Variants in PTPRN observed in about 807,000 individuals in gnomAD.
The protein encoded by PTPRN is protein tyrosine phosphatase receptor type N.
PTPRN carries 70 observed loss-of-function variants against 108.5 expected under a neutral mutation model. The ratio of observed to expected loss-of-function variants is 0.65; its 90% CI spans 0.53 to 0.79. The LOEUF is 0.79. PTPRN is among the 30% of genes least tolerant of loss of function. The probability of loss-of-function intolerance (pLI) is 0.00; values close to 1 mark genes in which losing one functional copy is unlikely to be tolerated. For synonymous variants in PTPRN, 496 were observed against 524.6 expected, an observed-to-expected ratio of 0.95 and a Z score of 0.75; for missense variants, 1,136 against 1,295.5, an observed-to-expected ratio of 0.88 and a Z score of 1.89.
rs1453563583 is a variant in PTPRN at position 219,290,707 on chromosome 2, A to G, written c.2795-96T>C. 3.4e-6 allele frequency: 5 copies of G among 1,483,784 alleles called. No individual in the cohort carries two copies. In the African/African-American group the frequency reaches 7.0e-5, roughly 21 times the overall value. The allele number at this position is 1,483,784 out of a possible 1,614,324, so 91.9% of individuals were successfully genotyped here. On this transcript the variant is annotated intron_variant, in intron 21 of 22. Transcript: ENST00000295718. The surrounding 1 kb of genome is among the most constrained non-coding windows in gnomAD (Gnocchi z 4.2). ...GCCTCCTGGAGGCAAAGAGCCTTGG[A>G]GGGCTGGGCAGAGCCTGGAGGTTGA...
At chr2:219,304,948 CT>C (rs1474765140) in intron 3 of PTPRN, among the ~76,000 whole-genome samples, 1 of 152,184 alleles carries the variant, frequency 6.6e-6, no homozygotes, top group African/African-American at 2.4e-5. Flanking sequence ...CAATTCCTTT[CT>C]TTCTATTCCC....
rs370543098 is a variant in PTPRN at position 219,290,570 on chromosome 2, G to A, written c.2836C>T (p.Arg946Cys). The change falls in exon 22 of 23, where the codon CGT becomes TGT. Residue 946 changes from arginine to cysteine, a missense_variant. Transcript: ENST00000295718. This position sits in a 1 kb window ranked among gnomAD's most constrained non-coding sequence, Gnocchi z 4.2. ...CGGACAAGGCCAGGCCGCTGGTCACGGACATGCTCCAGGGTGGCAGCGATG... is the reference window on the plus strand; with the variant it reads ...CGGACAAGGCCAGGCCGCTGGTCACAGACATGCTCCAGGGTGGCAGCGATG... ...IDIAATLEHV[R>C]DQRPGLVRSK... 13 of 1,551,680 alleles carry A rather than the reference G, an allele frequency of 8.4e-6. No homozygotes were observed. Among genetic ancestry groups the A allele is most frequent in the South Asian group, 1.2e-5 (1 of 84,078 alleles).
At position 219,294,997 on chromosome 2, in the gene PTPRN, G is replaced by C. The variant is rs201664619; in HGVS notation, c.2653C>G (p.Arg885Gly). ...WPAEGTPAST[R>G]PLLDFRRKVN... is the part of the protein sequence containing the mutation. ...CACCTGCGGAAGTCCAGCAGGGGCC[G>C]CGTGGAGGCCGGTGTGCCCTCTGCC... Residue 885 changes from arginine (R) to glycine (G), a missense_variant, in exon 19 of 23, where the codon CGG (arginine) becomes GGG (glycine). By Grantham distance (125) the Arg-to-Gly change is moderately radical. Coordinates refer to ENST00000295718, the MANE Select transcript of PTPRN (RefSeq NM_002846.4). 3 of 1,600,684 alleles carry C rather than the reference G, an allele frequency of 1.9e-6. No individual in the cohort carries two copies. The highest frequency in any genetic ancestry group is 1.1e-5 in the South Asian group (1 of 88,998).
chr2:219,299,457 C>A, intron 10 of PTPRN, 73 bp from the exon 11 acceptor site: 1 of 1,504,584 alleles, frequency 6.6e-7, no homozygotes, highest in Admixed American at 1.7e-5. Flanking sequence ...CCAGCTCTGG[C>A]CCTCTCCCCG....
rs774950163 is a variant in PTPRN, at chr2:219,302,640, G to T, written c.575C>A (p.Pro192Gln). ...ACTCAGTGAAGGGTGGGGAGGCTGT[G>T]GGGGCAGCAGCAGGTGCTCCAAGAG... ...PPLLEHLLLP[P>Q]QPPHPSLSYE... Residue 192 changes from proline (P) to glutamine (Q), a missense_variant, in exon 5 of 23, where the codon CCA (proline) becomes CAA (glutamine). Pro to Gln is a moderately conservative substitution (Grantham distance 76). Coordinates refer to ENST00000295718, the MANE Select transcript of PTPRN (RefSeq NM_002846.4). 15 of 1,613,768 alleles carry T rather than the reference G, an allele frequency of 9.3e-6. No individual in the cohort carries two copies. Among genetic ancestry groups the T allele is most frequent in the Non-Finnish European group, 1.3e-5 (15 of 1,179,958 alleles).
chr2:219,297,883 A>G lies in PTPRN; in HGVS notation c.1887+2T>C, dbSNP rs1205185655. On this transcript the variant is annotated splice_donor_variant, in intron 13 of 22. Coordinates refer to ENST00000295718, the MANE Select transcript of PTPRN (RefSeq NM_002846.4). LOFTEE classifies it high-confidence loss of function. This position sits in a 1 kb window ranked among gnomAD's most constrained non-coding sequence, Gnocchi z 6.0. ...GCTCAATCAGCTTCTGGGGCTGCAC[A>G]CCTGGTACTCAAAGGTAGTGTCACC... 5.0e-6 allele frequency: 8 copies of G among 1,604,448 alleles called. No individual in the cohort carries two copies. Among genetic ancestry groups the G allele is most frequent in the Admixed American group, 1.7e-5 (1 of 58,666 alleles).
Position 219,290,399 on chromosome 2 carries a change from C to A in PTPRN, c.2869-102G>T. ...GGGGGGAGGGCCCTGGGCAGGTCCC[C>A]TGGGAGGAAGGGAGCCCTCCTGGAG... On this transcript the variant is annotated intron_variant, in intron 22 of 22. Coordinates refer to ENST00000295718, the MANE Select transcript of PTPRN (RefSeq NM_002846.4). This position sits in a 1 kb window ranked among gnomAD's most constrained non-coding sequence, Gnocchi z 4.2. 1 of 1,417,284 alleles carries A rather than the reference C, an allele frequency of 7.1e-7. No homozygotes were observed. Among genetic ancestry groups the A allele is most frequent in the Non-Finnish European group, 9.8e-7 (1 of 1,023,168 alleles). The allele number at this position is 1,417,284 out of a possible 1,614,324, so 87.8% of individuals were successfully genotyped here. A position where few individuals can be genotyped will look rare whatever the true frequency, so the allele number is the denominator to read the frequency against.
At chr2:219,303,195 G>A (rs1952400736) in intron 4 of PTPRN, among the ~76,000 whole-genome samples, 1 of 152,178 alleles carries the variant, frequency 6.6e-6, no homozygotes, top group African/African-American at 2.4e-5. Context: ...TTGCCCCTGT[G>A]TGCCATGTCC....
rs1952208299 is a variant in PTPRN at position 219,296,793 on chromosome 2, C to T, written c.2266G>A (p.Glu756Lys). ...YDHARIKLKV[E>K]SSPSRSDYIN... ...TAATCGCTCCGAGAAGGGCTGCTCTCCACCTTCAGTTTTATGCGGGCATGG... is the reference window on the plus strand; with the variant it reads ...TAATCGCTCCGAGAAGGGCTGCTCTTCACCTTCAGTTTTATGCGGGCATGG... Residue 756 changes from glutamate to lysine, a missense_variant, in exon 16 of 23, where the codon GAG becomes AAG. Glu to Lys is a moderately conservative substitution (Grantham distance 56, BLOSUM62 1). Transcript: ENST00000295718. This position sits in a 1 kb window ranked among gnomAD's most constrained non-coding sequence, Gnocchi z 6.0. 6.2e-7 allele frequency: 1 copy of T among 1,614,044 alleles called. No individual in the cohort carries two copies. Among genetic ancestry groups the T allele is most frequent in the Non-Finnish European group, 8.5e-7 (1 of 1,179,978 alleles).
At position 219,302,407 on chromosome 2, in the gene PTPRN, C is replaced by T. The variant is rs1238042253; in HGVS notation, c.724G>A (p.Ala242Thr). The T allele has an allele frequency of 6.2e-7, 1 of 1,614,020 alleles. No homozygotes were observed. Among genetic ancestry groups the T allele is most frequent in the African/African-American group, 1.3e-5 (1 of 74,942 alleles). ...VGPLPKAEAP[A>T]LFSRTASKGI... The stretch of plus-strand genomic sequence containing the variant: ...TTGGAGGCAGTTCTGCTGAAGAGGG[C>T]AGGGGCTTCAGCCTTGGGCAGGGGG... The change falls in exon 6 of 23, where the codon GCC becomes ACC. Residue 242 changes from alanine to threonine, a missense_variant. By Grantham distance (58) the Ala-to-Thr change is moderately conservative. Coordinates refer to ENST00000295718, the MANE Select transcript of PTPRN (RefSeq NM_002846.4).
In PTPRN at chr2:219,297,000, G is replaced by A; in HGVS notation, c.2221C>T (p.Pro741Ser). The change falls in exon 15 of 23, where the codon CCT becomes TCT. Residue 741 changes from proline to serine, a missense_variant. By Grantham distance (74) the Pro-to-Ser change is moderately conservative. Coordinates refer to ENST00000295718, the MANE Select transcript of PTPRN (RefSeq NM_002846.4). The surrounding 1 kb of genome is among the most constrained non-coding windows in gnomAD (Gnocchi z 6.0). ...GEGNIKKNRH[P>S]DFLPYDHARI... ...GTTCACTCACAGGGCAGGAAGTCAG[G>A]ATGCCGGTTCTTTTTGATGTTGCCC... The A allele has an allele frequency of 6.2e-7, 1 of 1,613,830 alleles. No individual in the cohort carries two copies. Among genetic ancestry groups the A allele is most frequent in the Non-Finnish European group, 8.5e-7 (1 of 1,179,960 alleles).
intron 3 of PTPRN, chr2:219,307,235 C>A (rs1375454029): frequency 2.1e-6 from 1 of 476,672 alleles, no homozygotes; most frequent in Non-Finnish European, 3.7e-6. Context: ...TTTCCAGTGA[C>A]TTCTTCTTAG....
chr2:219,293,418 G>A (rs1952098141), intron 19 of PTPRN, among the ~76,000 whole-genome samples: 1 of 152,112 alleles, frequency 6.6e-6, no homozygotes, highest in Non-Finnish European at 1.5e-5. Flanking sequence ...GATCTCAAGT[G>A]ATCCACCCAC....
intron 18 of PTPRN, 39 bp from the exon 19 acceptor site, chr2:219,295,180 C>T (rs1353558846): frequency 6.3e-7 from 1 of 1,588,582 alleles, no homozygotes; most frequent in Admixed American, 1.8e-5. Flanking sequence ...CCGCGGGCTG[C>T]CCCAGTCCCC....
chr2:219,297,157 C>T lies in PTPRN; in HGVS notation c.2089-25G>A, dbSNP rs1223924113. 6.2e-7 allele frequency: 1 copy of T among 1,612,548 alleles called. No homozygotes were observed. Among genetic ancestry groups the T allele is most frequent in the South Asian group, 1.1e-5 (1 of 90,956 alleles). On this transcript the variant is annotated intron_variant, in intron 14 of 22. Transcript: ENST00000295718. The surrounding 1 kb of genome is among the most constrained non-coding windows in gnomAD (Gnocchi z 6.0). ...CCTGTGGGGGCACCACGGTCTGGCTCTGGCCCACACAGCCAGCCTGGCCTC... is the reference window on the plus strand; with the variant it reads ...CCTGTGGGGGCACCACGGTCTGGCTTTGGCCCACACAGCCAGCCTGGCCTC...
intron 19 of PTPRN, chr2:219,294,193 G>A (rs1278447381): frequency 6.1e-6 from 3 of 490,318 alleles, no homozygotes; most frequent in African/African-American, 5.9e-5. Context: ...GACACTGGCA[G>A]CTGTGAGGGA....
At position 219,290,394 on chromosome 2, in the gene PTPRN, G is replaced by A. The variant is rs1952026372; in HGVS notation, c.2869-97C>T. On this transcript the variant is annotated intron_variant, in intron 22 of 22. Coordinates refer to ENST00000295718, the MANE Select transcript of PTPRN (RefSeq NM_002846.4). This position sits in a 1 kb window ranked among gnomAD's most constrained non-coding sequence, Gnocchi z 4.2. ...TTGGTGGGGGGAGGGCCCTGGGCAG[G>A]TCCCCTGGGAGGAAGGGAGCCCTCC... 2 of 1,409,986 alleles carry A rather than the reference G, an allele frequency of 1.4e-6. No individual in the cohort carries two copies. Among genetic ancestry groups the A allele is most frequent in the Non-Finnish European group, 2.0e-6 (2 of 1,015,336 alleles). 87.3% of individuals were successfully genotyped at this position (1,409,986 alleles called of 1,614,324 possible).
chr2:219,299,179 C>T, intron 11 of PTPRN, 68 bp from the exon 12 acceptor site: 1 of 1,608,240 alleles, frequency 6.2e-7, no homozygotes. Context: ...CTTGCTCTGC[C>T]AAGCAGCAGG....
intron 1 of PTPRN, chr2:219,308,762 C>A: frequency 8.8e-7 from 1 of 1,140,362 alleles, no homozygotes. Flanking sequence ...GAAACCCTGG[C>A]CTCTCTCTCT....
Sources: gnomAD v4.1 joint callset for allele counts (sites outside exome capture counted in the v4.1 genomes callset) on GRCh38, gnomAD v4.1.1 for gene constraint, Gnocchi (gnomAD v3.1) non-coding constraint, MANE v1.5 for transcripts, NCBI Gene and HGNC (gene_info 2026-07-23, HGNC 2026-07-21) for gene names.